Variants in SPAG11A observed in about 807,000 individuals in gnomAD.
SPAG11A encodes the protein sperm associated antigen 11A.
In SPAG11A, 2 loss-of-function variants were observed where a neutral mutation model predicts 5.5. The ratio of observed to expected loss-of-function variants is 0.37; its 90% CI spans 0.15 to 1.15. The LOEUF is 1.15. Among genes scored for constraint, SPAG11A ranks in the 50% most tolerant of loss-of-function variants. SPAG11A has a pLI of 0.38. For missense variants in SPAG11A, 24 were observed against 122.5 expected (o/e 0.20, Z 3.80); for synonymous variants, 11 against 42.7 (o/e 0.26, Z 2.90).
At chr8:7,860,063 C>T (rs1818148029) in intron 2 of SPAG11A, among the ~76,000 whole-genome samples, 1 of 150,552 alleles carries the variant, frequency 6.6e-6, no homozygotes, top group Non-Finnish European at 1.5e-5. Flanking sequence ...TTAAAGTCAT[C>T]GTACGTAGCA....
chr8:7,860,138 T>C (rs1352231618), intron 2 of SPAG11A, among the ~76,000 whole-genome samples: 1 of 148,620 alleles, frequency 6.7e-6, no homozygotes, highest in African/African-American at 2.5e-5. Flanking sequence ...CCTGTTGTTA[T>C]AAAAATTTAG....
intron 2 of SPAG11A, among the ~76,000 whole-genome samples, chr8:7,852,689 A>G (rs555099283): frequency 3.0e-3 from 445 of 149,408 alleles, no homozygotes; most frequent in African/African-American, 0.01. Flanking sequence ...CTAACCTTAC[A>G]TATTCTTTCC....
At chr8:7,859,869 G>C (rs1818136750) in intron 2 of SPAG11A, among the ~76,000 whole-genome samples, 1 of 129,660 alleles carries the variant, frequency 7.7e-6, no homozygotes, top group African/African-American at 2.8e-5. Context: ...CTTCTGTCTT[G>C]ACTAAAGGTG....
intron 2 of SPAG11A, among the ~76,000 whole-genome samples, chr8:7,856,865 G>C (rs1281501537): frequency 1.4e-5 from 2 of 141,668 alleles, no homozygotes; most frequent in African/African-American, 5.1e-5. Context: ...TTTCTAGTTT[G>C]ATTTCTTTGA....
intron 2 of SPAG11A, among the ~76,000 whole-genome samples, chr8:7,852,649 C>G (rs1266685492): frequency 6.6e-6 from 1 of 151,920 alleles, no homozygotes; most frequent in African/African-American, 2.4e-5. Context: ...CCGCTTTATT[C>G]TTATCCATGT....
In SPAG11A at chr8:7,860,569, T is replaced by C. The variant is rs1818175362; in HGVS notation, c.215-77T>C. ...TAGCCTTGTCAGAATATATAACCCT[T>C]GGCAGTGGGCTGGGTTCATCTTCTA... On this transcript the variant is annotated intron_variant, in intron 2 of 2. Transcript: ENST00000642566. 13 of 1,383,240 alleles carry C rather than the reference T, an allele frequency of 9.4e-6. 3 individuals are homozygous for C. The highest frequency in any genetic ancestry group is 1.3e-5 in the Non-Finnish European group (13 of 1,030,090). 85.7% of individuals were successfully genotyped at this position (1,383,240 alleles called of 1,614,324 possible).
At chr8:7,859,945 C>G (rs1384468441) in intron 2 of SPAG11A, among the ~76,000 whole-genome samples, 1 of 147,764 alleles carries the variant, frequency 6.8e-6, no homozygotes, top group East Asian at 2.0e-4. Flanking sequence ...GATACAGAAT[C>G]AGGGATTAGA....
intron 2 of SPAG11A, among the ~76,000 whole-genome samples, chr8:7,852,533 A>G (rs1183799911): frequency 6.6e-6 from 1 of 152,124 alleles, no homozygotes; most frequent in African/African-American, 2.4e-5. Context: ...GGGTTTCTCC[A>G]TGTTGATCAG....
downstream of SPAG11A, among the ~76,000 whole-genome samples, chr8:7,861,523 T>C (rs1269428675): frequency 2.8e-5 from 4 of 145,426 alleles, no homozygotes; most frequent in African/African-American, 9.9e-5. Flanking sequence ...TTCTGTGCAA[T>C]TGGAGCAAGG....
chr8:7,852,771 A>T (rs1198071399), intron 2 of SPAG11A, among the ~76,000 whole-genome samples: 3 of 137,388 alleles, frequency 2.2e-5, no homozygotes, highest in South Asian at 2.5e-4. Context: ...ATATCCTCTC[A>T]TTATCTTTCA....
intron 2 of SPAG11A, among the ~76,000 whole-genome samples, chr8:7,860,112 A>T (rs1437883324): frequency 6.7e-6 from 1 of 149,284 alleles, no homozygotes; most frequent in East Asian, 2.0e-4. Context: ...TCTTTCAACC[A>T]TCTCTTGCCC....
At chr8:7,857,211 A>G (rs1818064298) in intron 2 of SPAG11A, among the ~76,000 whole-genome samples, 1 of 113,974 alleles carries the variant, frequency 8.8e-6, no homozygotes, top group African/African-American at 3.0e-5. Context: ...TATGCATTTT[A>G]TTGTTTTATC....
At chr8:7,860,316 G>A in intron 2 of SPAG11A, 1 of 1,422,168 alleles carries the variant, frequency 7.0e-7, no homozygotes, top group Non-Finnish European at 9.6e-7. Context: ...GACCACTTCT[G>A]TTTTCCAAAA....
intron 2 of SPAG11A, 39 bp downstream of exon 2, chr8:7,848,882 TG>T (rs1203687249): frequency 2.0e-6 from 1 of 497,178 alleles, no homozygotes; most frequent in East Asian, 3.5e-5. Flanking sequence ...GTGCATCCAC[TG>T]GGGAGACGTA....
downstream of SPAG11A, among the ~76,000 whole-genome samples, chr8:7,861,604 T>C (rs1818219838): frequency 7.1e-6 from 1 of 140,260 alleles, no homozygotes; most frequent in African/African-American, 2.5e-5. Context: ...CTGCTTGAAT[T>C]TGTTGAATAC....
intron 2 of SPAG11A, among the ~76,000 whole-genome samples, chr8:7,852,470 A>G (rs1429469585): frequency 2.6e-5 from 4 of 152,130 alleles, no homozygotes; most frequent in African/African-American, 9.7e-5. Flanking sequence ...AGTAGCTGGG[A>G]TTACAGGTGT....
intron 2 of SPAG11A, among the ~76,000 whole-genome samples, chr8:7,852,110 G>C (rs1396848239): frequency 6.9e-6 from 1 of 144,648 alleles, no homozygotes; most frequent in East Asian, 2.0e-4. Flanking sequence ...TTTTCTCTCA[G>C]AAAGAACCGA....
At chr8:7,860,574 G>A (rs888215558) in intron 2 of SPAG11A, 72 bp from the exon 3 acceptor site, 5 of 1,384,824 alleles carry the variant, frequency 3.6e-6, no homozygotes, top group Middle Eastern at 1.9e-4. Flanking sequence ...ACCCTTGGCA[G>A]TGGGCTGGGT....
chr8:7,863,730 C>T (rs1410573491), downstream of SPAG11A: 1 of 924,298 alleles, frequency 1.1e-6, no homozygotes, highest in Non-Finnish European at 1.7e-6. Flanking sequence ...CCCCAGGGAT[C>T]CATGTGAGAG....
Sources: gnomAD v4.1 joint callset for allele counts (sites outside exome capture counted in the v4.1 genomes callset) on GRCh38, gnomAD v4.1.1 for gene constraint, MANE v1.5 for transcripts, NCBI Gene and HGNC (gene_info 2026-07-23, HGNC 2026-07-21) for gene names.